MUC20: variants seen among roughly 807,000 people sequenced by gnomAD.
MUC20 encodes the protein mucin 20, cell surface associated, also known as mucin-20.
Under a neutral mutation model 23.8 loss-of-function variants are expected in MUC20, and 14 were observed. That is an observed-to-expected ratio of 0.59 (90% confidence interval 0.39 to 0.92). The LOEUF is 0.92. Among genes scored for constraint, MUC20 ranks in the 40% least tolerant of loss-of-function variants. The pLI is 0.00. For missense variants in MUC20, 375 were observed against 668.8 expected (o/e 0.56, Z 4.85); for synonymous variants, 166 against 279.3 (o/e 0.59, Z 4.04).
Position 195,725,229 on chromosome 3 carries a change from C to T in MUC20, c.626C>T (p.Ser209Leu). Residue 209 changes from serine to leucine, a missense_variant, in exon 2 of 4, where the codon TCA (serine) becomes TTA (leucine). Coordinates refer to ENST00000447234, the MANE Select transcript of MUC20 (RefSeq NM_001282506.2). ...GGCCCCCATCCAGTCATCACCCCGT[C>T]ACGGGCCTCAGAGAGCAGCGCCTCT... The part of the protein sequence containing the change: ...SDGPHPVITP[S>L]RASESSASSD... The T allele has an allele frequency of 2.5e-6, 1 of 392,462 alleles. No individual in the cohort carries two copies. The highest frequency in any genetic ancestry group is 2.4e-5 in the South Asian group (1 of 42,066). 24.3% of individuals were successfully genotyped at this position (392,462 alleles called of 1,614,324 possible).
At chr3:195,729,382 T>A (rs549176829) in intron 2 of MUC20, 1 of 415,040 alleles carries the variant, frequency 2.4e-6, no homozygotes, top group Admixed American at 4.1e-5. Context: ...AGTGCTGCGA[T>A]CTCAGATCAC....
intron 3 of MUC20, among the ~76,000 whole-genome samples, chr3:195,731,121 A>G (rs1713344419): frequency 6.6e-6 from 1 of 152,268 alleles, no homozygotes; most frequent in African/African-American, 2.4e-5. Flanking sequence ...CCTCTTTGAC[A>G]GTGCCCTTGC....
intron 1 of MUC20, chr3:195,721,662 G>A (rs1232040064): frequency 1.3e-5 from 2 of 157,288 alleles, no homozygotes; most frequent in African/African-American, 2.4e-5. Context: ...TAGGAGTTGT[G>A]CCAAACTCAT....
intron 3 of MUC20, among the ~76,000 whole-genome samples, chr3:195,731,490 C>T (rs1033168575): frequency 4.6e-5 from 7 of 152,266 alleles, no homozygotes; most frequent in Admixed American, 3.3e-4. Flanking sequence ...AGAATCAAAG[C>T]AATGCCAGGA....
intron 1 of MUC20, chr3:195,722,931 A>G (rs11185527): frequency 0.46 from 78,339 of 168,784 alleles, 24,629 homozygotes; most frequent in East Asian, 0.79. Context: ...TAGTCAGATC[A>G]ACTATGCGTG....
At chr3:195,730,204 TTCTC>T (rs1387231391) in intron 3 of MUC20, 9 of 162,740 alleles carry the variant, frequency 5.5e-5, no homozygotes, top group Admixed American at 3.2e-4. Flanking sequence ...CACAGGGACT[TTCTC>T]TTTCTTTCCC....
At chr3:195,723,192 G>A (rs1206521452) in intron 1 of MUC20, among the ~76,000 whole-genome samples, 4 of 149,992 alleles carry the variant, frequency 2.7e-5, no homozygotes, top group African/African-American at 4.9e-5. Flanking sequence ...GGCACAGCGG[G>A]AGCTGCAACC....
chr3:195,728,460 C>T (rs1712967939), intron 2 of MUC20, among the ~76,000 whole-genome samples: 1 of 152,272 alleles, frequency 6.6e-6, no homozygotes, highest in African/African-American at 2.4e-5. Context: ...ACCCAAACAT[C>T]TCAGCAGAGT....
intron 3 of MUC20, among the ~76,000 whole-genome samples, chr3:195,731,203 G>A (rs555841341): frequency 1.3e-3 from 200 of 152,318 alleles, no homozygotes; most frequent in Non-Finnish European, 2.3e-3. Context: ...CCTGAAGCTT[G>A]CATTCAGCAC....
At chr3:195,727,960 T>C (rs1207778216) in intron 2 of MUC20, among the ~76,000 whole-genome samples, 5 of 144,954 alleles carry the variant, frequency 3.4e-5, no homozygotes, top group Admixed American at 3.3e-4. Context: ...CAGCTTTGCA[T>C]ATGTTATGAT....
chr3:195,729,693 C>T lies in MUC20; in HGVS notation c.2015C>T (p.Pro672Leu), dbSNP rs115826755. Residue 672 changes from proline (P) to leucine (L), a missense_variant, in exon 3 of 4, where the codon CCG becomes CTG. By Grantham distance (98) the Pro-to-Leu change is moderately conservative. Around this residue, in one of 4 missense-constraint regions of MUC20, gnomAD observed 343 missense variants for 340.2 expected, o/e 1.01. Transcript: ENST00000447234. Reference protein sequence around the residue: ...FLLLRLSVASPEDLTDPRVAE... With the variant: ...FLLLRLSVASLEDLTDPRVAE... ...CTCCTGCGGCTGAGTGTGGCTTCCC[C>T]GGAAGACCTCACTGACCCCAGAGTG... The T allele has an allele frequency of 2.5e-3, 3,918 of 1,595,950 alleles. 26 individuals carry two copies. The African/African-American group carries it at 0.044, about 18-fold the overall frequency.
chr3:195,726,358 C>A lies in MUC20; in HGVS notation c.1755C>A (p.Thr585=). The change falls in exon 2 of 4, where the codon ACC becomes ACA. Residue 585 remains threonine, a synonymous_variant. Coordinates refer to ENST00000447234, the MANE Select transcript of MUC20 (RefSeq NM_001282506.2). ...SPSEAALKNF[T]PSETPTMDIA... is the part of the protein sequence containing the mutation. ...CGGAAGCCGCCCTCAAGAACTTCAC[C>A]CCTTCAGAGACACCGACCATGGACA... 3 of 1,614,050 alleles carry A rather than the reference C, an allele frequency of 1.9e-6. No homozygotes were observed. The highest frequency in any genetic ancestry group is 1.7e-6 in the Non-Finnish European group (2 of 1,179,892).
intron 3 of MUC20, among the ~76,000 whole-genome samples, chr3:195,731,826 G>A (rs1253955185): frequency 6.6e-6 from 1 of 152,264 alleles, no homozygotes; most frequent in Admixed American, 6.5e-5. Context: ...CTTAGCAGCA[G>A]TGAGGCCAAT....
chr3:195,728,389 T>C (rs142235425), intron 2 of MUC20, among the ~76,000 whole-genome samples: 2,027 of 151,906 alleles, frequency 0.013, 4 homozygotes, highest in African/African-American at 0.046. Flanking sequence ...GTGTCATAAT[T>C]AAGTTCAAGG....
At chr3:195,730,043 G>C (rs933827008) in intron 3 of MUC20, 3 of 345,532 alleles carry the variant, frequency 8.7e-6, no homozygotes, top group Non-Finnish European at 1.6e-5. Context: ...ACTGATGGGA[G>C]GGTAGGTCGG....
At chr3:195,729,894 GC>G (rs1248060800) in intron 3 of MUC20, 155 bp downstream of exon 3, 2 of 750,280 alleles carry the variant, frequency 2.7e-6, no homozygotes, top group Non-Finnish European at 4.3e-6. Flanking sequence ...GAGGATCTCT[GC>G]CTGGCTTTGC....
At chr3:195,730,853 T>G (rs1172307966) in intron 3 of MUC20, among the ~76,000 whole-genome samples, 1 of 152,244 alleles carries the variant, frequency 6.6e-6, no homozygotes, top group East Asian at 1.9e-4. Flanking sequence ...TTGGGAAAAT[T>G]CTCCTAAAAC....
rs1200342719 is a variant in MUC20, at chr3:195,726,852, C to G, written c.1969+280C>G. 1.4e-4 allele frequency among the ~76,000 whole-genome samples: 21 copies of G among 152,386 alleles called. No homozygotes were observed. In the South Asian group the frequency reaches 4.4e-3, roughly 32 times the overall value. ...AGTGACCTTGGGCAAGTCCCTGTCC[C>G]TCTCTGGGCCTCAGTTTCTCCACCT... On this transcript the variant is annotated intron_variant, in intron 2 of 3. Coordinates refer to ENST00000447234, the MANE Select transcript of MUC20 (RefSeq NM_001282506.2).
Position 195,733,478 on chromosome 3 carries a change from G to A in MUC20, c.*260G>A. On this transcript the variant is annotated 3_prime_UTR_variant, in exon 4 of 4. Coordinates refer to ENST00000447234, the MANE Select transcript of MUC20 (RefSeq NM_001282506.2). Reference sequence around the variant, plus strand: ...GGACTCACCTTGGCACATGTTCTGTGTTTCAGTAAAGAGAGACCTGATCAC... The same window carrying A: ...GGACTCACCTTGGCACATGTTCTGTATTTCAGTAAAGAGAGACCTGATCAC... 1 of 1,404,030 alleles carries A rather than the reference G, an allele frequency of 7.1e-7. No individual in the cohort carries two copies. Among genetic ancestry groups the A allele is most frequent in the Non-Finnish European group, 9.2e-7 (1 of 1,083,336 alleles). The allele number at this position is 1,404,030 out of a possible 1,614,324, so 87.0% of individuals were successfully genotyped here.
Sources: allele counts gnomAD v4.1 joint callset (sites outside exome capture counted in the v4.1 genomes callset), GRCh38; gene constraint gnomAD v4.1.1; regional missense constraint gnomAD v4.1.1; transcripts MANE v1.5; gene names NCBI Gene and HGNC (gene_info 2026-07-23, HGNC 2026-07-21).